Variants in CSMD3 observed in about 807,000 individuals in gnomAD.
CSMD3 encodes CUB and sushi domain-containing protein 3.
In CSMD3, 177 loss-of-function variants were observed where a neutral mutation model predicts 435.2. The ratio of observed to expected loss-of-function variants is 0.41; its 90% CI spans 0.36 to 0.46. The LOEUF (loss-of-function observed/expected upper bound fraction) is 0.46. CSMD3 is among the 20% of genes least tolerant of loss of function. The pLI is 0.34. For synonymous variants in CSMD3, 1,656 were observed against 1,520.5 expected (o/e 1.09, Z -2.07); for missense variants, 4,265 against 4,504.6 (o/e 0.95, Z 1.52).
intron 3 of CSMD3, among the ~76,000 whole-genome samples, chr8:113,209,782 T>A (rs2092811159): frequency 6.6e-6 from 1 of 152,130 alleles, no homozygotes; most frequent in Non-Finnish European, 1.5e-5. Flanking sequence ...GCAAAGGTAA[T>A]TAATATTTAA....
chr8:112,664,065 T>C (rs1228291071), intron 17 of CSMD3, among the ~76,000 whole-genome samples: 11 of 152,110 alleles, frequency 7.2e-5, no homozygotes. Context: ...TGCTATGAAC[T>C]GATACAAATA....
At chr8:113,287,081 C>T (rs185035362) in intron 2 of CSMD3, among the ~76,000 whole-genome samples, 34 of 151,960 alleles carry the variant, frequency 2.2e-4, no homozygotes, top group Non-Finnish European at 3.7e-4. Flanking sequence ...TTTTGGATAA[C>T]AAATTGTCAT....
At chr8:113,020,665 T>C (rs2086654723) in intron 5 of CSMD3, among the ~76,000 whole-genome samples, 1 of 152,198 alleles carries the variant, frequency 6.6e-6, no homozygotes, top group South Asian at 2.1e-4. Flanking sequence ...TAATAACAAG[T>C]ATATATTTCC....
chr8:112,602,304 G>A (rs551304490), intron 22 of CSMD3, among the ~76,000 whole-genome samples: 350 of 152,182 alleles, frequency 2.3e-3, no homozygotes, highest in African/African-American at 8.0e-3. Flanking sequence ...AAAATTTGTC[G>A]CCTGTAACCC....
chr8:113,407,716 T>C (rs1201636158), intron 1 of CSMD3, among the ~76,000 whole-genome samples: 1 of 152,086 alleles, frequency 6.6e-6, no homozygotes, highest in East Asian at 1.9e-4. Context: ...AAGCTGGTTC[T>C]AAGACAACAC....
chr8:112,275,670 G>A (rs1817977377), intron 59 of CSMD3, among the ~76,000 whole-genome samples: 1 of 152,150 alleles, frequency 6.6e-6, no homozygotes, highest in African/African-American at 2.4e-5. Context: ...AAGAAAGAAT[G>A]AGAACCAAGC....
At chr8:112,651,276 T>C (rs939410961) in intron 18 of CSMD3, among the ~76,000 whole-genome samples, 1 of 152,188 alleles carries the variant, frequency 6.6e-6, no homozygotes, top group Non-Finnish European at 1.5e-5. Context: ...TATTAAATCA[T>C]ATTTATATGA....
chr8:112,649,325 G>A (rs1312305600), intron 19 of CSMD3, among the ~76,000 whole-genome samples: 4 of 152,160 alleles, frequency 2.6e-5, no homozygotes, highest in African/African-American at 4.8e-5. Context: ...GTTTTGATGA[G>A]TTGTTTAAAT....
chr8:113,408,905 T>C, intron 1 of CSMD3, among the ~76,000 whole-genome samples: 1 of 151,832 alleles, frequency 6.6e-6, no homozygotes. Flanking sequence ...CCTCAAATTA[T>C]CCACCTGGCT....
chr8:113,335,822 A>AT (rs1316231184), intron 1 of CSMD3, among the ~76,000 whole-genome samples: 1 of 151,824 alleles, frequency 6.6e-6, no homozygotes, highest in African/African-American at 2.4e-5. Flanking sequence ...CTTTTCACCT[A>AT]TAAGCGTGGA....
chr8:113,278,444 T>TACATTGATGATTAATA, intron 3 of CSMD3, 148 bp downstream of exon 3: 1 of 638,740 alleles, frequency 1.6e-6, no homozygotes, highest in Non-Finnish European at 2.9e-6. Context: ...CATTTTACTA[T>TACATTGATGATTAATA]ACATTAATGA....
At chr8:112,591,428 T>A (rs1421752805) in intron 22 of CSMD3, among the ~76,000 whole-genome samples, 1 of 151,978 alleles carries the variant, frequency 6.6e-6, no homozygotes, top group Non-Finnish European at 1.5e-5. Flanking sequence ...GATAAGAAAA[T>A]CTGGTAGCAT....
Position 112,929,962 on chromosome 8 carries a change from T to C in CSMD3, c.1509-8211A>G, listed in dbSNP as rs1318807538. On this transcript the variant is annotated intron_variant, in intron 9 of 70. Coordinates refer to ENST00000297405, the MANE Select transcript of CSMD3 (RefSeq NM_198123.2). Reference sequence around the variant, plus strand: ...AGATCTATGTTTGGGATCATTTTTGTTGGTATGATCATAGGAAAGAAAGTG... The same window carrying C: ...AGATCTATGTTTGGGATCATTTTTGCTGGTATGATCATAGGAAAGAAAGTG... Among the ~76,000 whole-genome samples the C allele has an allele frequency of 2.0e-5, 3 of 152,122 alleles. No individual in the cohort carries two copies. The East Asian group carries it at 5.8e-4, about 29-fold the overall frequency.
At chr8:112,468,164 T>A (rs1818141707) in intron 32 of CSMD3, among the ~76,000 whole-genome samples, 1 of 152,088 alleles carries the variant, frequency 6.6e-6, no homozygotes, top group Non-Finnish European at 1.5e-5. Flanking sequence ...AATTGCAAAT[T>A]ATTTCTTCTG....
At chr8:112,722,029 C>T (rs1448678732) in intron 13 of CSMD3, among the ~76,000 whole-genome samples, 5 of 151,708 alleles carry the variant, frequency 3.3e-5, no homozygotes, top group African/African-American at 1.2e-4. Flanking sequence ...GGGGACGTAA[C>T]TTCACTTTTT....
chr8:112,466,736 T>A (rs951186659), intron 32 of CSMD3, among the ~76,000 whole-genome samples: 4 of 152,178 alleles, frequency 2.6e-5, no homozygotes, highest in African/African-American at 9.6e-5. Context: ...GTGAAAGATG[T>A]GATATTGCAA....
chr8:113,275,916 G>A (rs2093565914), intron 3 of CSMD3, among the ~76,000 whole-genome samples: 1 of 151,954 alleles, frequency 6.6e-6, no homozygotes, highest in Non-Finnish European at 1.5e-5. Flanking sequence ...CTATTTTACT[G>A]TATCATACAC....
At chr8:112,554,818 A>G (rs1019275850) in intron 25 of CSMD3, among the ~76,000 whole-genome samples, 2 of 151,990 alleles carry the variant, frequency 1.3e-5, no homozygotes, top group African/African-American at 4.8e-5. Context: ...TCATCAATGA[A>G]TAAGATTCAG....
intron 32 of CSMD3, among the ~76,000 whole-genome samples, chr8:112,437,808 C>T (rs959757): frequency 0.82 from 125,351 of 152,040 alleles, 52,374 homozygotes; most frequent in African/African-American, 0.96. Context: ...GCAAAAATAG[C>T]GAATGTTTCA....
Sources: allele counts gnomAD v4.1 joint callset (sites outside exome capture counted in the v4.1 genomes callset), GRCh38; gene constraint gnomAD v4.1.1; transcripts MANE v1.5; gene names NCBI Gene and HGNC (gene_info 2026-07-23, HGNC 2026-07-21).